Variants in TBL1XR1 observed in about 807,000 individuals in gnomAD.
TBL1XR1 encodes the protein F-box-like/WD repeat-containing protein TBL1XR1.
In TBL1XR1, 5 loss-of-function variants were observed where a neutral mutation model predicts 66.9. The ratio of observed to expected loss-of-function variants is 0.07; its 90% CI spans 0.04 to 0.16. The LOEUF (loss-of-function observed/expected upper bound fraction) is 0.16. Ranked by LOEUF, TBL1XR1 falls within the 10% of genes least tolerant of loss-of-function variation. TBL1XR1 has a pLI of 1.00. For missense variants in TBL1XR1, 238 were observed against 623.2 expected, an observed-to-expected ratio of 0.38 and a Z score of 6.58; for synonymous variants, 210 against 206.0, an observed-to-expected ratio of 1.02 and a Z score of -0.17.
rs141182864 is a variant in TBL1XR1, at chr3:177,066,745, G to A, written c.-45-1723C>T. On this transcript the variant is annotated intron_variant, in intron 2 of 15. Coordinates refer to ENST00000457928, the MANE Select transcript of TBL1XR1 (RefSeq NM_024665.7). ...AAAATATTTAGAAGGTAGACTCAAT[G>A]GTAACTGACTGGATGCATAGTTGAG... Among the ~76,000 whole-genome samples the A allele has an allele frequency of 2.7e-3, 418 of 152,224 alleles. 1 individual carries two copies. Among genetic ancestry groups the A allele is most frequent in the African/African-American group, 9.6e-3 (399 of 41,528 alleles).
chr3:177,193,736 T>C (rs557851007), intron 1 of TBL1XR1, among the ~76,000 whole-genome samples: 49 of 150,704 alleles, frequency 3.3e-4, no homozygotes, highest in African/African-American at 1.2e-3. Flanking sequence ...TAAACTTGAT[T>C]AGAAACACAA....
At position 177,051,411 on chromosome 3, in the gene TBL1XR1, T is replaced by C. The variant is rs370678046; in HGVS notation, c.427+93A>G. ...AACCCCTGTGATATGAGTTCATCTATATAACAAACCTGCACATGTACCCCG... is the reference window on the plus strand; with the variant it reads ...AACCCCTGTGATATGAGTTCATCTACATAACAAACCTGCACATGTACCCCG... On this transcript the variant is annotated intron_variant, in intron 5 of 15. Transcript: ENST00000457928. 5 of 1,168,490 alleles carry C rather than the reference T, an allele frequency of 4.3e-6. No homozygotes were observed. The African/African-American group carries it at 4.7e-5, about 11-fold the overall frequency. The allele number at this position is 1,168,490 out of a possible 1,614,324, so 72.4% of individuals were successfully genotyped here.
At chr3:177,086,316 C>G (rs771298868) in intron 2 of TBL1XR1, among the ~76,000 whole-genome samples, 1 of 151,808 alleles carries the variant, frequency 6.6e-6, no homozygotes, top group Non-Finnish European at 1.5e-5. Flanking sequence ...TTTACATTTA[C>G]AGCACATCTC....
upstream of TBL1XR1, among the ~76,000 whole-genome samples, chr3:177,201,018 GTT>G (rs1737329743): frequency 2.0e-5 from 3 of 150,458 alleles, no homozygotes; most frequent in Admixed American, 2.0e-4. Context: ...AAAAAAAAAA[GTT>G]CTCTCTTGAA....
intron 2 of TBL1XR1, among the ~76,000 whole-genome samples, chr3:177,088,432 C>G (rs1722423301): frequency 6.6e-6 from 1 of 152,042 alleles, no homozygotes; most frequent in Non-Finnish European, 1.5e-5. Context: ...GGATCCTATC[C>G]CCAAGATATC....
intron 3 of TBL1XR1, among the ~76,000 whole-genome samples, chr3:177,064,080 T>C (rs1409434811): frequency 6.6e-6 from 1 of 152,202 alleles, no homozygotes; most frequent in East Asian, 1.9e-4. Context: ...ACTTTATCCT[T>C]CCATCCTCCC....
chr3:177,196,048 C>G (rs1392317596), intron 1 of TBL1XR1, among the ~76,000 whole-genome samples: 2 of 152,030 alleles, frequency 1.3e-5, no homozygotes, highest in Non-Finnish European at 2.9e-5. Flanking sequence ...AAGCCACAAC[C>G]CAAATTTTAC....
At chr3:177,088,866 A>T (rs1458089998) in intron 2 of TBL1XR1, among the ~76,000 whole-genome samples, 9 of 152,218 alleles carry the variant, frequency 5.9e-5, no homozygotes, top group Admixed American at 5.9e-4. Context: ...TTCTTTCTTC[A>T]CATTTAATAA....
intron 3 of TBL1XR1, 138 bp from the exon 4 acceptor site, chr3:177,054,056 G>A (rs1717469341): frequency 7.7e-6 from 5 of 649,244 alleles, no homozygotes; most frequent in Non-Finnish European, 1.3e-5. Flanking sequence ...GTGTGTGTGT[G>A]TGTGTGTGTG....
At chr3:177,109,649 C>T (rs931527688) in intron 1 of TBL1XR1, among the ~76,000 whole-genome samples, 4 of 152,074 alleles carry the variant, frequency 2.6e-5, no homozygotes, top group African/African-American at 4.8e-5. Flanking sequence ...GTAAATAAAA[C>T]ACAGATCCCT....
intron 2 of TBL1XR1, chr3:177,079,964 G>A (rs899733139): frequency 4.6e-5 from 7 of 152,152 alleles, no homozygotes; most frequent in Non-Finnish European, 1.5e-5. Flanking sequence ...TGAGGGTACT[G>A]AATTAGATAA....
intron 2 of TBL1XR1, among the ~76,000 whole-genome samples, chr3:177,094,421 T>C (rs923538303): frequency 6.6e-6 from 1 of 152,210 alleles, no homozygotes; most frequent in Non-Finnish European, 1.5e-5. Flanking sequence ...TGGAGATTCC[T>C]TAAAGAACTA....
At chr3:177,043,072 TTTAGA>T (rs1234809741) in intron 10 of TBL1XR1, among the ~76,000 whole-genome samples, 1 of 152,160 alleles carries the variant, frequency 6.6e-6, no homozygotes, top group Non-Finnish European at 1.5e-5. Flanking sequence ...CCATGAGTTA[TTTAGA>T]AGTGTGGGTT....
chr3:177,087,406 G>T (rs1657003076), intron 2 of TBL1XR1, among the ~76,000 whole-genome samples: 1 of 151,864 alleles, frequency 6.6e-6, no homozygotes, highest in Non-Finnish European at 1.5e-5. Context: ...GGAAATGAAG[G>T]CCTAACATAT....
intron 1 of TBL1XR1, among the ~76,000 whole-genome samples, chr3:177,170,916 C>A (rs1733386460): frequency 6.6e-6 from 1 of 152,118 alleles, no homozygotes; most frequent in Non-Finnish European, 1.5e-5. Context: ...CATGTCTTAC[C>A]TGTCCCTGGA....
intron 1 of TBL1XR1, among the ~76,000 whole-genome samples, chr3:177,135,997 C>T (rs971498310): frequency 3.3e-5 from 5 of 151,954 alleles, no homozygotes; most frequent in Non-Finnish European, 5.9e-5. Context: ...TACTGGAATC[C>T]AAATCTCTCC....
At chr3:177,178,855 C>T (rs905725402) in intron 1 of TBL1XR1, among the ~76,000 whole-genome samples, 4 of 151,776 alleles carry the variant, frequency 2.6e-5, no homozygotes, top group Non-Finnish European at 5.9e-5. Flanking sequence ...CAGTGGTTCA[C>T]GCCTGTAACC....
intron 2 of TBL1XR1, among the ~76,000 whole-genome samples, chr3:177,072,056 T>C (rs1468943534): frequency 1.3e-5 from 2 of 152,222 alleles, no homozygotes; most frequent in African/African-American, 4.8e-5. Flanking sequence ...AAGTTACAGA[T>C]TCTAACTGCA....
chr3:177,068,166 T>C (rs566511272), intron 2 of TBL1XR1, among the ~76,000 whole-genome samples: 7 of 152,344 alleles, frequency 4.6e-5, no homozygotes, highest in African/African-American at 1.7e-4. Context: ...AGACACTTCC[T>C]AAATTCACAA....
Sources: gnomAD v4.1 joint callset for allele counts (sites outside exome capture counted in the v4.1 genomes callset) on GRCh38, gnomAD v4.1.1 for gene constraint, MANE v1.5 for transcripts, NCBI Gene and HGNC (gene_info 2026-07-23, HGNC 2026-07-21) for gene names.